Variants in FYB1 observed in about 807,000 individuals in gnomAD.
The protein encoded by FYB1 is FYN binding protein 1, also known as FYN-binding protein 1.
In FYB1, 41 loss-of-function variants were observed where a neutral mutation model predicts 94.1. That is an observed-to-expected ratio of 0.44 (90% CI 0.34 to 0.57). The LOEUF (loss-of-function observed/expected upper bound fraction) is 0.57, where lower values mean the gene tolerates loss of function less well. FYB1 is among the 20% of genes least tolerant of loss of function. The probability of loss-of-function intolerance (pLI) is 0.02; values close to 1 mark genes in which losing one functional copy is unlikely to be tolerated. For synonymous variants in FYB1, 367 were observed against 353.2 expected (o/e 1.04, Z -0.44); for missense variants, 1,050 against 976.8 (o/e 1.07, Z -1.00).
chr5:39,202,455 G>T lies in FYB1; in HGVS notation c.506C>A (p.Ala169Glu). The T allele has an allele frequency of 1.9e-6, 3 of 1,613,890 alleles. No homozygotes were observed. The highest frequency in any genetic ancestry group is 2.5e-6 in the Non-Finnish European group (3 of 1,179,872). Reference sequence around the variant, plus strand: ...TTTAACCCCAGTCAATTTGGGAAACGCTTGCTTCTGTTCATTTTCTGAGGT... The same window carrying T: ...TTTAACCCCAGTCAATTTGGGAAACTCTTGCTTCTGTTCATTTTCTGAGGT... ...PPTSENEQKQ[A>E]FPKLTGVKGK... The change falls in exon 2 of 19, where the codon GCG (alanine) becomes GAG (glutamate). Residue 169 changes from alanine to glutamate, a missense_variant. By Grantham distance (107) the Ala-to-Glu change is moderately radical (BLOSUM62 -1). Coordinates refer to ENST00000512982, the MANE Select transcript of FYB1 (RefSeq NM_001465.6).
intron 10 of FYB1, among the ~76,000 whole-genome samples, chr5:39,128,341 A>T (rs4957304): frequency 1 from 152,206 of 152,310 alleles, 76,051 homozygotes; most frequent in Middle Eastern, 1. Context: ...GGAAACTTGC[A>T]ATTTGACAGA....
chr5:39,222,342 C>T (rs1325882103), upstream of FYB1, among the ~76,000 whole-genome samples: 1 of 152,132 alleles, frequency 6.6e-6, no homozygotes, highest in Non-Finnish European at 1.5e-5. Flanking sequence ...TAGTACATTG[C>T]CAGGCATACA....
intron 1 of FYB1, among the ~76,000 whole-genome samples, chr5:39,265,338 G>T (rs896888198): frequency 3.9e-5 from 6 of 152,132 alleles, no homozygotes; most frequent in African/African-American, 1.4e-4. Context: ...AAAAAAATTA[G>T]CCAGTTGTGA....
At chr5:39,268,588 C>A (rs904614399) in intron 1 of FYB1, among the ~76,000 whole-genome samples, 1 of 151,232 alleles carries the variant, frequency 6.6e-6, no homozygotes, top group African/African-American at 2.4e-5. Context: ...CTTTTTGAGA[C>A]GGAATTTTGC....
intron 1 of FYB1, among the ~76,000 whole-genome samples, chr5:39,211,918 G>T (rs190540121): frequency 6.6e-6 from 1 of 152,246 alleles, no homozygotes; most frequent in Admixed American, 6.5e-5. Context: ...GAGGCTATCT[G>T]TGGGGTTTTC....
chr5:39,221,312 C>T (rs1750250561), upstream of FYB1, among the ~76,000 whole-genome samples: 1 of 152,098 alleles, frequency 6.6e-6, no homozygotes, highest in African/African-American at 2.4e-5. Context: ...AAGGACCTGG[C>T]CCCCAACACA....
chr5:39,141,696 A>G (rs531105632), intron 3 of FYB1, among the ~76,000 whole-genome samples: 15 of 152,172 alleles, frequency 9.9e-5, no homozygotes, highest in African/African-American at 3.1e-4. Flanking sequence ...AGTCACAATT[A>G]CTTTTGCACC....
chr5:39,212,809 T>C (rs929822540), intron 1 of FYB1: 1 of 152,224 alleles, frequency 6.6e-6, no homozygotes, highest in Admixed American at 6.5e-5. Flanking sequence ...CCAGGCACGC[T>C]TCTCTTTCCA....
At position 39,105,340 on chromosome 5, in the gene FYB1, A is replaced by G. The variant is rs886753954; in HGVS notation, c.*2103T>C. The G allele has an allele frequency of 6.6e-6, 1 of 152,198 alleles. No individual in the cohort carries two copies. Among genetic ancestry groups the G allele is most frequent in the Non-Finnish European group, 1.5e-5 (1 of 68,046 alleles). The allele number at this position is 152,198 out of a possible 1,614,324, so 9.4% of individuals were successfully genotyped here. ...CTATAACAGAAATCATATTTAATAT[A>G]TTAAAATTAATACTTCAAATATCTT... is the stretch of plus-strand genomic sequence containing the variant. On this transcript the variant is annotated 3_prime_UTR_variant, in exon 19 of 19. Transcript: ENST00000512982.
chr5:39,182,278 T>TAC, intron 2 of FYB1, among the ~76,000 whole-genome samples: 1 of 130,770 alleles, frequency 7.6e-6, no homozygotes, highest in African/African-American at 3.0e-5. Context: ...TTTGTGTGTG[T>TAC]GTGCATGCAT....
chr5:39,244,704 C>T (rs916290541), intron 1 of FYB1, among the ~76,000 whole-genome samples: 2 of 152,140 alleles, frequency 1.3e-5, no homozygotes, highest in Non-Finnish European at 2.9e-5. Flanking sequence ...GGAATAGTTT[C>T]AGAAGGAATG....
intron 17 of FYB1, among the ~76,000 whole-genome samples, 157 bp downstream of exon 17, chr5:39,110,199 T>C (rs1166033857): frequency 6.6e-6 from 1 of 152,144 alleles, no homozygotes; most frequent in African/African-American, 2.4e-5. Context: ...AACTTTATTA[T>C]GGATACTAAC....
intron 16 of FYB1, among the ~76,000 whole-genome samples, chr5:39,116,338 T>C (rs1739567007): frequency 6.6e-6 from 1 of 152,182 alleles, no homozygotes; most frequent in African/African-American, 2.4e-5. Context: ...CCCAAAGCCA[T>C]CTAAGAATTT....
chr5:39,175,802 G>T (rs1745669114), intron 2 of FYB1, among the ~76,000 whole-genome samples: 1 of 152,138 alleles, frequency 6.6e-6, no homozygotes, highest in Non-Finnish European at 1.5e-5. Context: ...GTTGGGGGAA[G>T]GGGTTGCTTT....
intron 16 of FYB1, among the ~76,000 whole-genome samples, chr5:39,116,996 C>T (rs1379432023): frequency 6.6e-6 from 1 of 152,006 alleles, no homozygotes; most frequent in Non-Finnish European, 1.5e-5. Context: ...TTTCTTCTAC[C>T]ATACCAAGGG....
chr5:39,249,104 G>A (rs835194), intron 1 of FYB1, among the ~76,000 whole-genome samples: 24,046 of 152,144 alleles, frequency 0.16, 4,560 homozygotes, highest in African/African-American at 0.44. Context: ...CTTCATCACT[G>A]AAATTTCTCT....
intron 2 of FYB1, among the ~76,000 whole-genome samples, chr5:39,179,522 C>G (rs886591383): frequency 1.1e-4 from 16 of 151,668 alleles, no homozygotes; most frequent in African/African-American, 3.9e-4. Flanking sequence ...CCACTTTGCT[C>G]CATTTCCAAG....
In FYB1 at chr5:39,124,260, T is replaced by C; in HGVS notation, c.2064A>G (p.Lys688=). The change falls in exon 13 of 19, where the codon AAA becomes AAG. Residue 688 remains lysine (K), a synonymous_variant. Transcript: ENST00000512982. ...NEGSSFPAPP[K]QLDMGDEVYD... ...TCAGTTTTTATTACTTACCCAATTG[T>C]TTAGGAGGAGCAGGGAAACTACAAA... 6.4e-7 allele frequency: 1 copy of C among 1,559,730 alleles called. No homozygotes were observed. The highest frequency in any genetic ancestry group is 1.2e-5 in the South Asian group (1 of 82,716).
At chr5:39,228,273 C>A (rs1050727072) in intron 1 of FYB1, among the ~76,000 whole-genome samples, 13 of 152,092 alleles carry the variant, frequency 8.5e-5, no homozygotes, top group African/African-American at 3.1e-4. Flanking sequence ...GCCTGAGGAA[C>A]AATTATGACT....
Sources: allele counts gnomAD v4.1 joint callset (sites outside exome capture counted in the v4.1 genomes callset), GRCh38; gene constraint gnomAD v4.1.1; transcripts MANE v1.5; gene names NCBI Gene and HGNC (gene_info 2026-07-23, HGNC 2026-07-21).